The following MYLK variants were observed in gnomAD, a reference collection of about 807,000 sequenced individuals.
MYLK encodes the protein myosin light chain kinase.
A neutral mutation model predicts 203.4 loss-of-function variants in MYLK; 106 were observed. The observed-to-expected ratio is 0.52, with a 90% CI of 0.45 to 0.61. The LOEUF (loss-of-function observed/expected upper bound fraction) is 0.61, where lower values mean the gene tolerates loss of function less well. MYLK is among the 20% of genes least tolerant of loss of function. The pLI is 0.00. For synonymous variants in MYLK, 867 were observed against 959.5 expected (o/e 0.90, Z 1.78); for missense variants, 2,072 against 2,442.3 (o/e 0.85, Z 3.20).
At chr3:123,635,079 G>C (rs1345152599) in intron 29 of MYLK, among the ~76,000 whole-genome samples, 1 of 152,218 alleles carries the variant, frequency 6.6e-6, no homozygotes, top group African/African-American at 2.4e-5. Context: ...GACACGGTCT[G>C]TTGCCTTCCC....
At chr3:123,815,883 G>T (rs1452517062) in intron 3 of MYLK, among the ~76,000 whole-genome samples, 1 of 152,286 alleles carries the variant, frequency 6.6e-6, no homozygotes, top group Admixed American at 6.5e-5. Flanking sequence ...TCACGTTTTT[G>T]AGAGCTTACT....
intron 2 of MYLK, among the ~76,000 whole-genome samples, chr3:123,847,647 G>GT (rs1560287021): frequency 6.6e-6 from 1 of 151,902 alleles, no homozygotes; most frequent in African/African-American, 2.4e-5. Context: ...TCTGACTAAT[G>GT]TTTTTTCTGT....
intron 13 of MYLK, among the ~76,000 whole-genome samples, chr3:123,713,091 CA>C (rs1442819251): frequency 6.6e-6 from 1 of 152,192 alleles, no homozygotes; most frequent in Non-Finnish European, 1.5e-5. Flanking sequence ...GCACCCCCTC[CA>C]GGAGATGAGT....
chr3:123,829,099 A>C (rs1560270471), intron 3 of MYLK, among the ~76,000 whole-genome samples: 1 of 152,238 alleles, frequency 6.6e-6, no homozygotes, highest in Non-Finnish European at 1.5e-5. Context: ...CTGGAAATTT[A>C]TCCAAAGGAA....
intron 13 of MYLK, among the ~76,000 whole-genome samples, chr3:123,716,659 C>T (rs1210667977): frequency 2.0e-5 from 3 of 152,162 alleles, no homozygotes; most frequent in African/African-American, 7.2e-5. Flanking sequence ...CCAGTGCGGG[C>T]CTGGAAGCCA....
intron 33 of MYLK, 69 bp from the exon 34 acceptor site, chr3:123,614,418 C>A (rs1576284652): frequency 1.3e-6 from 2 of 1,594,850 alleles, no homozygotes; most frequent in East Asian, 4.5e-5. Flanking sequence ...CTCATGCAAG[C>A]AACTTGTAAG....
chr3:123,730,400 T>C (rs1407080030), intron 11 of MYLK, among the ~76,000 whole-genome samples: 1 of 152,234 alleles, frequency 6.6e-6, no homozygotes, highest in African/African-American at 2.4e-5. Flanking sequence ...ACAATATATG[T>C]GGTCTAAACA....
chr3:123,707,633 T>G (rs2061513250), intron 16 of MYLK, 121 bp downstream of exon 16: 19 of 1,507,040 alleles, frequency 1.3e-5, no homozygotes, highest in Non-Finnish European at 1.6e-5. Context: ...CGCACTTGCT[T>G]TACCTGGAAG....
intron 4 of MYLK, among the ~76,000 whole-genome samples, chr3:123,772,017 C>G (rs537466242): frequency 6.6e-6 from 1 of 152,132 alleles, no homozygotes; most frequent in Admixed American, 6.5e-5. Flanking sequence ...ATAACCTACT[C>G]AAAAGTTAAA....
At chr3:123,682,410 A>G (rs2060300366) in intron 19 of MYLK, 100 bp from the exon 20 acceptor site, 1 of 930,742 alleles carries the variant, frequency 1.1e-6, no homozygotes, top group African/African-American at 1.6e-5. Flanking sequence ...CTCCTCCCCA[A>G]CTCTGAGGGC....
At chr3:123,736,148 TTTC>T (rs2062665988) in intron 8 of MYLK, among the ~76,000 whole-genome samples, 1 of 152,184 alleles carries the variant, frequency 6.6e-6, no homozygotes, top group African/African-American at 2.4e-5. Flanking sequence ...AGGACCAGGA[TTTC>T]TTGTTTTAGT....
Position 123,740,021 on chromosome 3 carries a change from T to A in MYLK, c.374-20A>T. 1 of 1,613,626 alleles carries A rather than the reference T, an allele frequency of 6.2e-7. No individual in the cohort carries two copies. The highest frequency in any genetic ancestry group is 1.1e-5 in the South Asian group (1 of 91,052). ...AACTTCCTGCAAGAAAAAGAGTTGA[T>A]GAGTCAGGTCTGAGCCACCAACTTG... On this transcript the variant is annotated intron_variant, in intron 5 of 33. Coordinates refer to ENST00000360304, the MANE Select transcript of MYLK (RefSeq NM_053025.4).
At chr3:123,623,493 G>C (rs2057981723) in intron 31 of MYLK, 1 of 152,132 alleles carries the variant, frequency 6.6e-6, no homozygotes. Context: ...TGAGTAATAT[G>C]ATTAGTCATC....
intron 3 of MYLK, among the ~76,000 whole-genome samples, chr3:123,821,350 T>A (rs2065932032): frequency 6.6e-6 from 1 of 152,248 alleles, no homozygotes; most frequent in African/African-American, 2.4e-5. Context: ...AGCATAGTTT[T>A]CTTTCTTTTG....
At chr3:123,845,722 T>C (rs1198902341) in intron 2 of MYLK, among the ~76,000 whole-genome samples, 4 of 152,038 alleles carry the variant, frequency 2.6e-5, no homozygotes, top group African/African-American at 4.8e-5. Flanking sequence ...ATGGCAATCA[T>C]AGCTAACTGC....
intron 4 of MYLK, among the ~76,000 whole-genome samples, chr3:123,791,548 C>T (rs2109091834): frequency 6.6e-6 from 1 of 152,358 alleles, no homozygotes; most frequent in South Asian, 2.1e-4. Flanking sequence ...CAGCTGGATG[C>T]TTTCGACGTC....
chr3:123,692,350 T>C (rs551232710), intron 19 of MYLK: 273 of 1,172,290 alleles, frequency 2.3e-4, no homozygotes, highest in Non-Finnish European at 2.8e-4. Context: ...CCCTGCTGGG[T>C]CGTCCTGCCA....
chr3:123,716,010 C>G (rs1045302362), intron 13 of MYLK: 4 of 152,148 alleles, frequency 2.6e-5, no homozygotes, highest in African/African-American at 9.7e-5. Context: ...ATGCAAAATG[C>G]CATTCCAACA....
chr3:123,766,336 C>T (rs2063701739), intron 4 of MYLK, among the ~76,000 whole-genome samples: 1 of 152,244 alleles, frequency 6.6e-6, no homozygotes, highest in Admixed American at 6.5e-5. Context: ...CACACAGGCT[C>T]CAGGCCGCCC....
Sources: gnomAD v4.1 joint callset for allele counts (sites outside exome capture counted in the v4.1 genomes callset) on GRCh38, gnomAD v4.1.1 for gene constraint, MANE v1.5 for transcripts, NCBI Gene and HGNC (gene_info 2026-07-23, HGNC 2026-07-21) for gene names.